ASTN2: variants seen among roughly 807,000 people sequenced by gnomAD.
ASTN2 encodes astrotactin 2, also known as astrotactin-2.
In ASTN2, 54 loss-of-function variants were observed where a neutral mutation model predicts 139.8. That is an observed-to-expected ratio of 0.39 (90% CI 0.31 to 0.48). The LOEUF is 0.48. Ranked by LOEUF, ASTN2 falls within the 20% of genes least tolerant of loss-of-function variation. The probability of loss-of-function intolerance (pLI) is 0.95; values close to 1 mark genes in which losing one functional copy is unlikely to be tolerated. For missense variants in ASTN2, 1,565 were observed against 1,725.1 expected (o/e 0.91, Z 1.64); for synonymous variants, 756 against 719.5 (o/e 1.05, Z -0.81).
chr9:116,821,463 T>C (rs771536029), intron 11 of ASTN2, among the ~76,000 whole-genome samples: 1 of 152,114 alleles, frequency 6.6e-6, no homozygotes, highest in Non-Finnish European at 1.5e-5. Context: ...TCTCCACCAT[T>C]ATCCCTGGAG....
At chr9:117,042,110 A>G (rs1017793495) in intron 5 of ASTN2, among the ~76,000 whole-genome samples, 1 of 152,180 alleles carries the variant, frequency 6.6e-6, no homozygotes, top group Non-Finnish European at 1.5e-5. Flanking sequence ...AACAATATTA[A>G]AAACCAACAT....
chr9:117,350,315 G>A (rs1260899447), intron 1 of ASTN2, among the ~76,000 whole-genome samples: 16 of 152,240 alleles, frequency 1.1e-4, no homozygotes, highest in Non-Finnish European at 1.9e-4. Flanking sequence ...TTGGGAGGCC[G>A]AGGTGGGTGG....
chr9:116,600,669 C>T (rs1328887889), intron 19 of ASTN2, among the ~76,000 whole-genome samples: 1 of 152,120 alleles, frequency 6.6e-6, no homozygotes, highest in Admixed American at 6.5e-5. Context: ...CTTCATAGAG[C>T]AGCCAGGGTG....
chr9:116,977,474 C>A (rs1186331827), intron 7 of ASTN2, among the ~76,000 whole-genome samples: 1 of 151,972 alleles, frequency 6.6e-6, no homozygotes, highest in Admixed American at 6.6e-5. Context: ...TCCAACCATC[C>A]ATTATTTTTT....
At chr9:116,494,326 TTGAG>T (rs1564317001) in intron 19 of ASTN2, among the ~76,000 whole-genome samples, 2 of 152,106 alleles carry the variant, frequency 1.3e-5, no homozygotes, top group African/African-American at 4.8e-5. Flanking sequence ...CAGGTGAGGA[TTGAG>T]TAAGAGAATA....
chr9:116,840,405 CG>C (rs1158164582), intron 11 of ASTN2, among the ~76,000 whole-genome samples: 2 of 149,576 alleles, frequency 1.3e-5, no homozygotes, highest in African/African-American at 4.9e-5. Context: ...ACCTCCCAGA[CG>C]GGGTGGTGGC....
At chr9:116,954,924 T>C (rs1835668978) in intron 10 of ASTN2, among the ~76,000 whole-genome samples, 1 of 152,204 alleles carries the variant, frequency 6.6e-6, no homozygotes, top group African/African-American at 2.4e-5. Flanking sequence ...AGCCCAGCAA[T>C]CTGTAGTTTA....
At chr9:116,905,679 G>A (rs970500336) in intron 10 of ASTN2, among the ~76,000 whole-genome samples, 11 of 152,136 alleles carry the variant, frequency 7.2e-5, no homozygotes, top group Admixed American at 2.6e-4. Context: ...CACTAAATGT[G>A]TTTTATGCTC....
intron 10 of ASTN2, among the ~76,000 whole-genome samples, chr9:116,895,382 C>T (rs995903894): frequency 6.6e-6 from 1 of 152,132 alleles, no homozygotes; most frequent in African/African-American, 2.4e-5. Flanking sequence ...TCTCTAGTCC[C>T]AAGCATTTCA....
chr9:116,483,640 A>C (rs1849244307), intron 20 of ASTN2, among the ~76,000 whole-genome samples: 1 of 152,236 alleles, frequency 6.6e-6, no homozygotes, highest in African/African-American at 2.4e-5. Context: ...ACTTACACAG[A>C]GAGGGAATAA....
chr9:116,710,734 A>G (rs1400553760), intron 16 of ASTN2, among the ~76,000 whole-genome samples: 1 of 6,724 alleles, frequency 1.5e-4, no homozygotes, highest in African/African-American at 7.6e-4. Context: ...ACTCCGTCTC[A>G]AAAAAAAAAA....
intron 10 of ASTN2, among the ~76,000 whole-genome samples, chr9:116,969,793 TC>T (rs1836131732): frequency 6.6e-6 from 1 of 152,194 alleles, no homozygotes; most frequent in African/African-American, 2.4e-5. Flanking sequence ...CCTGAGGACT[TC>T]TTAAACCAGA....
At chr9:116,835,472 G>C (rs1564293846) in intron 11 of ASTN2, among the ~76,000 whole-genome samples, 1 of 152,128 alleles carries the variant, frequency 6.6e-6, no homozygotes, top group African/African-American at 2.4e-5. Context: ...ATCCTAAAGA[G>C]ATTAACTAAA....
chr9:117,168,782 A>C (rs1830724809), intron 3 of ASTN2, among the ~76,000 whole-genome samples: 2 of 152,172 alleles, frequency 1.3e-5, no homozygotes, highest in South Asian at 4.1e-4. Flanking sequence ...TGAAGCAGTA[A>C]TATTTCCTAT....
At chr9:116,847,096 T>C (rs1832462206) in intron 11 of ASTN2, among the ~76,000 whole-genome samples, 1 of 149,954 alleles carries the variant, frequency 6.7e-6, no homozygotes, top group Admixed American at 6.6e-5. Flanking sequence ...AGTAAGCACA[T>C]TCTTATAGTT....
intron 2 of ASTN2, among the ~76,000 whole-genome samples, chr9:117,245,906 A>T (rs73655609): frequency 0.013 from 1,921 of 152,280 alleles, 40 homozygotes; most frequent in African/African-American, 0.044. Flanking sequence ...TCTCTGGGCT[A>T]CATAGAATCC....
intron 3 of ASTN2, among the ~76,000 whole-genome samples, chr9:117,200,278 T>A (rs115168679): frequency 0.017 from 2,399 of 145,056 alleles, 59 homozygotes; most frequent in African/African-American, 0.058. Context: ...TCGATGGGGT[T>A]TTCTAAATAT....
intron 11 of ASTN2, among the ~76,000 whole-genome samples, chr9:116,849,252 A>G (rs1255395460): frequency 6.6e-6 from 1 of 152,116 alleles, no homozygotes; most frequent in East Asian, 1.9e-4. Flanking sequence ...CATTGATTAA[A>G]TCATTGGCCA....
chr9:116,828,731 A>G (rs1292991726), intron 11 of ASTN2, among the ~76,000 whole-genome samples: 3 of 152,190 alleles, frequency 2.0e-5, no homozygotes, highest in African/African-American at 7.2e-5. Flanking sequence ...AGAAAAATTA[A>G]AAGTTATCCA....
Sources: allele counts gnomAD v4.1 joint callset (sites outside exome capture counted in the v4.1 genomes callset), GRCh38; gene constraint gnomAD v4.1.1; transcripts MANE v1.5; gene names NCBI Gene and HGNC (gene_info 2026-07-23, HGNC 2026-07-21).